The following FYN variants were observed in gnomAD, a reference collection of about 807,000 sequenced individuals.
The protein encoded by FYN is tyrosine-protein kinase Fyn.
FYN carries 10 observed loss-of-function variants against 70.2 expected under a neutral mutation model. The observed-to-expected ratio is 0.14, with a 90% confidence interval of 0.09 to 0.24. FYN has a LOEUF of 0.24. FYN is among the 10% of genes least tolerant of loss of function. The pLI is 1.00. For missense variants in FYN, 319 were observed against 673.1 expected, an observed-to-expected ratio of 0.47 and a Z score of 5.82; for synonymous variants, 236 against 248.6, an observed-to-expected ratio of 0.95 and a Z score of 0.48.
At chr6:111,844,759 A>G (rs982645432) in intron 2 of FYN, 7 of 152,220 alleles carry the variant, frequency 4.6e-5, no homozygotes, top group East Asian at 1.9e-4. Flanking sequence ...TTCAGTCCCA[A>G]TCCATAACTG....
intron 2 of FYN, among the ~76,000 whole-genome samples, chr6:111,825,878 A>G (rs1021851964): frequency 6.6e-6 from 1 of 152,232 alleles, no homozygotes; most frequent in Admixed American, 6.5e-5. Context: ...GAGAAAGACA[A>G]GTCAAGATGT....
chr6:111,766,259 T>C (rs1692099094), intron 3 of FYN, among the ~76,000 whole-genome samples: 1 of 152,218 alleles, frequency 6.6e-6, no homozygotes, highest in Non-Finnish European at 1.5e-5. Context: ...GGAGCTCAGA[T>C]GCAAGCACAT....
At chr6:111,773,454 GGA>G (rs1199568358) in intron 3 of FYN, among the ~76,000 whole-genome samples, 2 of 80,322 alleles carry the variant, frequency 2.5e-5, no homozygotes, top group Non-Finnish European at 5.0e-5. Flanking sequence ...AGAGGGAGAG[GGA>G]GAGAGTGGGA....
At chr6:111,715,401 T>C (rs1192380886) in intron 4 of FYN, among the ~76,000 whole-genome samples, 1 of 152,224 alleles carries the variant, frequency 6.6e-6, no homozygotes, top group Non-Finnish European at 1.5e-5. Context: ...AATTCTAGCA[T>C]AGTCCCCAGT....
At chr6:111,833,576 G>A (rs891926060) in intron 2 of FYN, among the ~76,000 whole-genome samples, 60 of 152,294 alleles carry the variant, frequency 3.9e-4, no homozygotes, top group African/African-American at 1.4e-3. Flanking sequence ...ACTCCCTGAT[G>A]ACAATGTGAC....
chr6:111,788,847 G>T (rs988123784), intron 2 of FYN, among the ~76,000 whole-genome samples: 1 of 152,038 alleles, frequency 6.6e-6, no homozygotes, highest in African/African-American at 2.4e-5. Context: ...ACTGACTGTG[G>T]CCTTCCCTTT....
At chr6:111,713,594 A>G (rs911040065) in intron 5 of FYN, among the ~76,000 whole-genome samples, 5 of 152,022 alleles carry the variant, frequency 3.3e-5, no homozygotes, top group Admixed American at 6.6e-5. Flanking sequence ...GGCCTCATCC[A>G]CATACACTGC....
intron 2 of FYN, among the ~76,000 whole-genome samples, chr6:111,811,386 G>A (rs1772319919): frequency 6.6e-6 from 1 of 152,164 alleles, no homozygotes; most frequent in African/African-American, 2.4e-5. Flanking sequence ...ATAAGGATTG[G>A]AGCTGTAAAT....
chr6:111,733,375 C>G (rs1801555638), intron 3 of FYN, among the ~76,000 whole-genome samples: 1 of 152,216 alleles, frequency 6.6e-6, no homozygotes, highest in African/African-American at 2.4e-5. Context: ...ATCTAATACG[C>G]TTGCATCTTC....
chr6:111,694,298 A>C lies in FYN; in HGVS notation c.1273+77T>G. On this transcript the variant is annotated intron_variant, in intron 12 of 13. Coordinates refer to ENST00000354650, the MANE Select transcript of FYN (RefSeq NM_002037.5). The surrounding 1 kb of genome is among the most constrained non-coding windows in gnomAD (Gnocchi z 5.0). Reference sequence around the variant, plus strand: ...GTATTTTCTGAAGGAAGGGAAGGGAAGGAGGAAGGAAGGGCTGTGCAGTAA... The same window carrying C: ...GTATTTTCTGAAGGAAGGGAAGGGACGGAGGAAGGAAGGGCTGTGCAGTAA... 1.3e-6 allele frequency: 2 copies of C among 1,523,336 alleles called. No individual in the cohort carries two copies. Among genetic ancestry groups the C allele is most frequent in the Non-Finnish European group, 1.8e-6 (2 of 1,109,062 alleles). 94.4% of individuals were successfully genotyped at this position (1,523,336 alleles called of 1,614,324 possible).
intron 3 of FYN, among the ~76,000 whole-genome samples, chr6:111,770,993 G>A (rs761194241): frequency 1.3e-5 from 2 of 152,086 alleles, no homozygotes; most frequent in East Asian, 1.9e-4. Context: ...TGCTTCAGGC[G>A]GTTAAAGTGT....
At chr6:111,782,159 CTCTT>C (rs1055597191) in intron 2 of FYN, among the ~76,000 whole-genome samples, 7 of 152,226 alleles carry the variant, frequency 4.6e-5, no homozygotes, top group Admixed American at 4.6e-4. Flanking sequence ...TATCTTATGC[CTCTT>C]TATTTTTCTC....
chr6:111,847,624 C>T (rs1773568463), intron 1 of FYN, among the ~76,000 whole-genome samples: 1 of 152,078 alleles, frequency 6.6e-6, no homozygotes, highest in Non-Finnish European at 1.5e-5. Context: ...TTAAAACACC[C>T]CCATGATAAG....
chr6:111,808,515 G>A (rs1772223950), intron 2 of FYN, among the ~76,000 whole-genome samples: 1 of 152,162 alleles, frequency 6.6e-6, no homozygotes, highest in African/African-American at 2.4e-5. Context: ...TAGATATTCT[G>A]ACCTCCCTCT....
intron 2 of FYN, among the ~76,000 whole-genome samples, chr6:111,780,837 A>C (rs1263762114): frequency 6.6e-6 from 1 of 152,234 alleles, no homozygotes; most frequent in Non-Finnish European, 1.5e-5. Context: ...TTCACTAATA[A>C]AAAATTTTAA....
At chr6:111,714,599 T>A in intron 4 of FYN, 156 bp from the exon 5 acceptor site, 1 of 633,852 alleles carries the variant, frequency 1.6e-6, no homozygotes, top group South Asian at 1.9e-5. Context: ...AAAACCACAG[T>A]CACAGGGCTG....
intron 1 of FYN, among the ~76,000 whole-genome samples, chr6:111,848,731 A>T (rs1011002603): frequency 6.6e-6 from 1 of 152,246 alleles, no homozygotes. Flanking sequence ...TCTAGAATAA[A>T]GAGTGGCATT....
chr6:111,863,227 A>T (rs1441118436), intron 1 of FYN, among the ~76,000 whole-genome samples: 1 of 152,240 alleles, frequency 6.6e-6, no homozygotes, highest in African/African-American at 2.4e-5. Context: ...GATACCCTTC[A>T]AACTCAGACA....
intron 13 of FYN, among the ~76,000 whole-genome samples, chr6:111,666,552 C>A (rs779249104): frequency 6.6e-6 from 1 of 152,184 alleles, no homozygotes; most frequent in East Asian, 1.9e-4. Context: ...TAGGGTACAA[C>A]TGAACAGTAC....
Sources: allele counts gnomAD v4.1 joint callset (sites outside exome capture counted in the v4.1 genomes callset), GRCh38; gene constraint gnomAD v4.1.1; non-coding constraint Gnocchi (gnomAD v3.1); transcripts MANE v1.5; gene names NCBI Gene and HGNC (gene_info 2026-07-23, HGNC 2026-07-21).